TRPM3: variants seen among roughly 807,000 people sequenced by gnomAD.
TRPM3 encodes transient receptor potential cation channel subfamily M member 3, also known as long transient receptor potential channel 3.
Under a neutral mutation model 181.2 loss-of-function variants are expected in TRPM3, and 77 were observed. The ratio of observed to expected loss-of-function variants is 0.42; its 90% CI spans 0.35 to 0.51. The LOEUF is 0.51. Ranked by LOEUF, TRPM3 falls within the 20% of genes least tolerant of loss-of-function variation. The probability of loss-of-function intolerance (pLI) is 0.01; values close to 1 mark genes in which losing one functional copy is unlikely to be tolerated. For synonymous variants in TRPM3, 745 were observed against 796.4 expected, an observed-to-expected ratio of 0.94 and a Z score of 1.09; for missense variants, 1,759 against 2,196.7, an observed-to-expected ratio of 0.80 and a Z score of 3.98.
intron 6 of TRPM3, among the ~76,000 whole-genome samples, chr9:70,792,492 A>G (rs1178240942): frequency 5.3e-5 from 8 of 151,780 alleles, no homozygotes; most frequent in Admixed American, 5.3e-4. Flanking sequence ...AATCTATGAA[A>G]GAGAGGGAAA....
chr9:71,440,629 T>A (rs570431688), intron 1 of TRPM3, among the ~76,000 whole-genome samples: 1 of 152,256 alleles, frequency 6.6e-6, no homozygotes, highest in Non-Finnish European at 1.5e-5. Flanking sequence ...AGCTAGACTT[T>A]GTATATCTCT....
chr9:70,962,969 G>T (rs1041696621), intron 1 of TRPM3, among the ~76,000 whole-genome samples: 1 of 152,094 alleles, frequency 6.6e-6, no homozygotes, highest in South Asian at 2.1e-4. Flanking sequence ...GGTCATTTTT[G>T]TAATCTTTTG....
chr9:71,223,521 A>C (rs2080373181), intron 1 of TRPM3, among the ~76,000 whole-genome samples: 1 of 152,236 alleles, frequency 6.6e-6, no homozygotes, highest in Non-Finnish European at 1.5e-5. Context: ...ACAGAAAAGG[A>C]CAGGGAAAAA....
rs955014751 is a variant in TRPM3, at chr9:70,841,923, A to G, written c.801+1080T>C. On this transcript the variant is annotated intron_variant, in intron 5 of 25. Transcript: ENST00000677713. ...ACAGAGTGGAATATGGACATTGGAC[A>G]CTACAAAAGTGGGAGGGGTGAGGGC... 3.3e-5 allele frequency among the ~76,000 whole-genome samples: 5 copies of G among 151,898 alleles called. No homozygotes were observed. The East Asian group carries it at 9.7e-4, about 29-fold the overall frequency.
intron 1 of TRPM3, among the ~76,000 whole-genome samples, chr9:70,965,188 T>G (rs2097173551): frequency 6.6e-6 from 1 of 152,026 alleles, no homozygotes; most frequent in African/African-American, 2.4e-5. Context: ...ATAAAATAGT[T>G]CCATTGGTGC....
At chr9:71,252,215 T>G (rs1215053007) in intron 1 of TRPM3, among the ~76,000 whole-genome samples, 1 of 152,200 alleles carries the variant, frequency 6.6e-6, no homozygotes, top group Non-Finnish European at 1.5e-5. Context: ...TTTAACTTTT[T>G]TTTTTTAGGT....
chr9:71,414,089 T>A (rs2093602527), intron 1 of TRPM3, among the ~76,000 whole-genome samples: 1 of 152,120 alleles, frequency 6.6e-6, no homozygotes, highest in African/African-American at 2.4e-5. Context: ...TACCATTGTA[T>A]CGCACTTATT....
intron 1 of TRPM3, among the ~76,000 whole-genome samples, chr9:70,997,859 T>C (rs1590423625): frequency 6.6e-6 from 1 of 152,202 alleles, no homozygotes; most frequent in East Asian, 1.9e-4. Context: ...CTTGTGTGCC[T>C]ACCTTCTCTG....
chr9:70,848,921 G>A lies in TRPM3; in HGVS notation c.463-2330C>T, dbSNP rs1471072754. ...GAACCCGGGAGGCGGAGCTTGCAGT[G>A]AGCCTAGATCGCGCCACTGCACTCC... On this transcript the variant is annotated intron_variant, in intron 3 of 25. Transcript: ENST00000677713. 1.5e-4 allele frequency among the ~76,000 whole-genome samples: 4 copies of A among 26,084 alleles called. 1 individual carries two copies. The Admixed American group carries it at 1.6e-3, about 11-fold the overall frequency. The allele number at this position is 26,084 out of a possible 152,430, so 17.1% of individuals were successfully genotyped here. A position where few individuals can be genotyped will look rare whatever the true frequency, so the allele number is the denominator to read the frequency against.
intron 1 of TRPM3, among the ~76,000 whole-genome samples, chr9:71,148,594 A>C (rs1190087058): frequency 1.3e-5 from 2 of 152,088 alleles, no homozygotes; most frequent in Non-Finnish European, 2.9e-5. Context: ...ATCTTAGGAA[A>C]AACATGAACC....
At chr9:70,811,027 T>C (rs2091923543) in intron 6 of TRPM3, 3 of 672,546 alleles carry the variant, frequency 4.5e-6, no homozygotes, top group African/African-American at 3.7e-5. Flanking sequence ...ATTTCTGATG[T>C]GGTTGAATGT....
At chr9:70,567,596 G>A (rs1196011799) in intron 22 of TRPM3, among the ~76,000 whole-genome samples, 3 of 151,504 alleles carry the variant, frequency 2.0e-5, no homozygotes, top group Non-Finnish European at 4.4e-5. Flanking sequence ...CTATGTGAAC[G>A]GCATTTCCTT....
At chr9:71,400,417 G>A (rs1449411379) in intron 1 of TRPM3, among the ~76,000 whole-genome samples, 2 of 152,146 alleles carry the variant, frequency 1.3e-5, no homozygotes, top group Non-Finnish European at 2.9e-5. Context: ...GGATGATCTA[G>A]AGAGGGATTT....
At chr9:71,014,222 C>T (rs911605695) in intron 1 of TRPM3, among the ~76,000 whole-genome samples, 4 of 151,792 alleles carry the variant, frequency 2.6e-5, no homozygotes, top group Non-Finnish European at 5.9e-5. Context: ...CCAAGTGGGG[C>T]ATTTTTGTTA....
intron 1 of TRPM3, among the ~76,000 whole-genome samples, chr9:71,321,520 T>C (rs1304785363): frequency 6.6e-6 from 1 of 152,178 alleles, no homozygotes; most frequent in Non-Finnish European, 1.5e-5. Context: ...GAGGCATTCA[T>C]ACATGAGACT....
chr9:70,974,487 C>T (rs2097281365), intron 1 of TRPM3, among the ~76,000 whole-genome samples: 2 of 152,108 alleles, frequency 1.3e-5, no homozygotes, highest in African/African-American at 4.8e-5. Context: ...TGCAGGGAGC[C>T]GAGAGCGCGC....
At chr9:71,083,846 GTGTGTATATATATCTATA>G (rs897758632) in intron 1 of TRPM3, among the ~76,000 whole-genome samples, 3 of 151,564 alleles carry the variant, frequency 2.0e-5, no homozygotes, top group Non-Finnish European at 4.4e-5. Context: ...TATATATGCA[GTGTGTATATATATCTATA>G]TATGTATATA....
At chr9:70,627,459 G>A (rs1286451408) in intron 12 of TRPM3, among the ~76,000 whole-genome samples, 1 of 151,784 alleles carries the variant, frequency 6.6e-6, no homozygotes, top group Non-Finnish European at 1.5e-5. Flanking sequence ...TTTTAGTAGA[G>A]ACAGGGTTTT....
intron 8 of TRPM3, among the ~76,000 whole-genome samples, chr9:70,747,817 G>A (rs1056621974): frequency 2.0e-5 from 3 of 151,948 alleles, no homozygotes; most frequent in Non-Finnish European, 2.9e-5. Flanking sequence ...TGGACTAGGC[G>A]ACCAAGTTCA....
Sources: gnomAD v4.1 joint callset for allele counts (sites outside exome capture counted in the v4.1 genomes callset) on GRCh38, gnomAD v4.1.1 for gene constraint, MANE v1.5 for transcripts, NCBI Gene and HGNC (gene_info 2026-07-23, HGNC 2026-07-21) for gene names.